ZNF609: variants seen among roughly 807,000 people sequenced by gnomAD.
The protein encoded by ZNF609 is zinc finger protein 609.
A neutral mutation model predicts 109.5 loss-of-function variants in ZNF609; 11 were observed. The observed-to-expected ratio is 0.10, with a 90% CI of 0.06 to 0.17. ZNF609 has a LOEUF of 0.17. Ranked by LOEUF, ZNF609 falls within the 10% of genes least tolerant of loss-of-function variation. The pLI is 1.00. For synonymous variants in ZNF609, 646 were observed against 662.0 expected (o/e 0.98, Z 0.37); for missense variants, 1,559 against 1,772.4 (o/e 0.88, Z 2.16).
chr15:64,600,859 G>A (rs1895486860), intron 2 of ZNF609, among the ~76,000 whole-genome samples: 1 of 152,108 alleles, frequency 6.6e-6, no homozygotes, highest in African/African-American at 2.4e-5. Flanking sequence ...TTTTAGAAGA[G>A]GTTTGCTCTA....
At chr15:64,487,179 A>G (rs1210908505) in intron 1 of ZNF609, among the ~76,000 whole-genome samples, 1 of 152,060 alleles carries the variant, frequency 6.6e-6, no homozygotes, top group Non-Finnish European at 1.5e-5. Flanking sequence ...CAACAGATCT[A>G]TAAATCTCAT....
At chr15:64,655,045 G>A (rs1402359064) in intron 3 of ZNF609, among the ~76,000 whole-genome samples, 3 of 148,164 alleles carry the variant, frequency 2.0e-5, no homozygotes, top group South Asian at 2.1e-4. Context: ...GCAGTGAACC[G>A]AGATTATGCC....
intron 2 of ZNF609, among the ~76,000 whole-genome samples, chr15:64,557,228 T>A (rs1466116424): frequency 6.7e-6 from 1 of 149,940 alleles, no homozygotes; most frequent in Non-Finnish European, 1.5e-5. Flanking sequence ...ACCAAAAAAA[T>A]GTGTAATTCT....
chr15:64,611,644 G>C (rs970151900), intron 2 of ZNF609, among the ~76,000 whole-genome samples: 1 of 152,008 alleles, frequency 6.6e-6, no homozygotes, highest in African/African-American at 2.4e-5. Flanking sequence ...CAAGTCTGTA[G>C]TCTTCAAATT....
At position 64,680,342 on chromosome 15, in the gene ZNF609, C is replaced by T; in HGVS notation, c.3927C>T (p.Tyr1309=). 6.2e-7 allele frequency: 1 copy of T among 1,614,182 alleles called. No homozygotes were observed. ...TCTTGCAGCAGCATGCCAGTCACTA[C>T]AAGAGCAAGTCTCCCACGGTAAGAA... The part of the protein sequence containing the change: ...LDILQQHASH[Y]KSKSPTISDK... Residue 1309 remains tyrosine (Y), a synonymous_variant, in exon 7 of 10, where the codon TAC becomes TAT. Transcript: ENST00000326648.
chr15:64,576,997 A>AAT (rs757389866), intron 2 of ZNF609, among the ~76,000 whole-genome samples: 1 of 123,658 alleles, frequency 8.1e-6, no homozygotes, highest in Non-Finnish European at 1.6e-5. Context: ...TATACACATA[A>AAT]ATATATATAT....
chr15:64,682,865 CTG>C lies in ZNF609; in HGVS notation c.*1183_*1184del, dbSNP rs1348025604. 4.6e-5 allele frequency: 7 copies of C among 152,734 alleles called. No homozygotes were observed. The South Asian group carries it at 6.2e-4, about 14-fold the overall frequency. The allele number at this position is 152,734 out of a possible 1,614,324, so 9.5% of individuals were successfully genotyped here. A position where few individuals can be genotyped will look rare whatever the true frequency, so the allele number is the denominator to read the frequency against. On this transcript the variant is annotated 3_prime_UTR_variant, in exon 10 of 10. Coordinates refer to ENST00000326648, the MANE Select transcript of ZNF609 (RefSeq NM_015042.2). ...TAACCTCCATGTGGGCCAATATAAG[CTG>C]TGTTTCTTGGTAACACATATTTTGT...
intron 3 of ZNF609, among the ~76,000 whole-genome samples, chr15:64,637,994 T>TTATATA (rs3057845): frequency 0.016 from 2,100 of 134,286 alleles, 35 homozygotes; most frequent in African/African-American, 0.038. Flanking sequence ...GAACCTTGTT[T>TTATATA]TATATATATA....
chr15:64,596,150 G>A (rs1344306715), intron 2 of ZNF609, among the ~76,000 whole-genome samples: 1 of 151,934 alleles, frequency 6.6e-6, no homozygotes, highest in Non-Finnish European at 1.5e-5. Flanking sequence ...TATATGCCAA[G>A]CTCTTTCTTT....
At chr15:64,520,196 T>C (rs1301014240) in intron 2 of ZNF609, among the ~76,000 whole-genome samples, 1 of 152,114 alleles carries the variant, frequency 6.6e-6, no homozygotes, top group Non-Finnish European at 1.5e-5. Flanking sequence ...ATAACCAGGA[T>C]TTTTCAACAA....
intron 2 of ZNF609, among the ~76,000 whole-genome samples, chr15:64,584,494 T>A (rs1895162967): frequency 6.6e-6 from 1 of 151,810 alleles, no homozygotes; most frequent in Non-Finnish European, 1.5e-5. Flanking sequence ...AGAGACAGAG[T>A]TTCGCCATGT....
chr15:64,619,605 A>C (rs1895848725), intron 2 of ZNF609, among the ~76,000 whole-genome samples: 1 of 152,180 alleles, frequency 6.6e-6, no homozygotes, highest in East Asian at 1.9e-4. Flanking sequence ...CCCATCCCTG[A>C]ACATCTCTTT....
intron 1 of ZNF609, among the ~76,000 whole-genome samples, chr15:64,497,360 C>T (rs1307217362): frequency 6.6e-6 from 1 of 152,132 alleles, no homozygotes; most frequent in Non-Finnish European, 1.5e-5. Context: ...CACACCTCTC[C>T]CCCTTAAATT....
chr15:64,679,662 CA>C (rs2141019523), intron 6 of ZNF609, among the ~76,000 whole-genome samples: 1 of 152,314 alleles, frequency 6.6e-6, no homozygotes, highest in East Asian at 1.9e-4. Flanking sequence ...ATCATAGTTG[CA>C]TTTGTTGAGT....
chr15:64,576,870 A>G (rs1367019222), intron 2 of ZNF609, among the ~76,000 whole-genome samples: 1 of 145,022 alleles, frequency 6.9e-6, no homozygotes, highest in Non-Finnish European at 1.5e-5. Context: ...CCATTTTAAG[A>G]ATCATATATA....
chr15:64,609,732 T>A (rs1285897473), intron 2 of ZNF609, among the ~76,000 whole-genome samples: 1 of 150,200 alleles, frequency 6.7e-6, no homozygotes, highest in Non-Finnish European at 1.5e-5. Flanking sequence ...ATGTTAAGTA[T>A]ATGAAAAAAA....
Position 64,685,502 on chromosome 15 carries a change from CAGG to C in ZNF609, c.*3819_*3821del, listed in dbSNP as rs1486253095. On this transcript the variant is annotated 3_prime_UTR_variant, in exon 10 of 10. Coordinates refer to ENST00000326648, the MANE Select transcript of ZNF609 (RefSeq NM_015042.2). Reference sequence around the variant, plus strand: ...TTCTGGCTTGGCCACTGGCTTAGCCCAGGAGCTTTACTCTGTGCCCTGGCCTCC... The same window carrying C: ...TTCTGGCTTGGCCACTGGCTTAGCCCAGCTTTACTCTGTGCCCTGGCCTCC... 2 of 152,780 alleles carry C rather than the reference CAGG, an allele frequency of 1.3e-5. No individual in the cohort carries two copies. Among genetic ancestry groups the C allele is most frequent in the Non-Finnish European group, 2.9e-5 (2 of 68,218 alleles). 9.5% of individuals were successfully genotyped at this position (152,780 alleles called of 1,614,324 possible).
Position 64,675,527 on chromosome 15 carries a change from T to C in ZNF609, c.2673T>C (p.Tyr891=). 1 of 1,614,190 alleles carries C rather than the reference T, an allele frequency of 6.2e-7. No homozygotes were observed. Among genetic ancestry groups the C allele is most frequent in the Non-Finnish European group, 8.5e-7 (1 of 1,180,040 alleles). The change falls in exon 5 of 10, where the codon TAT becomes TAC. Residue 891 remains tyrosine, a synonymous_variant. Coordinates refer to ENST00000326648, the MANE Select transcript of ZNF609 (RefSeq NM_015042.2). The stretch of plus-strand genomic sequence containing the variant: ...AGCCTCAGAGCAAAGACTCACCATA[T>C]TACCAAGGCTTTGAGAGTTACTATT... ...PPQPQSKDSP[Y]YQGFESYYSP...
chr15:64,647,092 C>G (rs1438816375), intron 3 of ZNF609, among the ~76,000 whole-genome samples: 1 of 151,432 alleles, frequency 6.6e-6, no homozygotes, highest in African/African-American at 2.4e-5. Context: ...GCTGTGATCA[C>G]ACCACTGCCA....
Sources: gnomAD v4.1 joint callset for allele counts (sites outside exome capture counted in the v4.1 genomes callset) on GRCh38, gnomAD v4.1.1 for gene constraint, MANE v1.5 for transcripts, NCBI Gene and HGNC (gene_info 2026-07-23, HGNC 2026-07-21) for gene names.